Variants in MNT observed in about 807,000 individuals in gnomAD.
MNT encodes max-binding protein MNT.
MNT carries 13 observed loss-of-function variants against 40.7 expected under a neutral mutation model. The ratio of observed to expected loss-of-function variants is 0.32; its 90% CI spans 0.21 to 0.51. The LOEUF (loss-of-function observed/expected upper bound fraction) is 0.51. Among genes scored for constraint, MNT ranks in the 20% least tolerant of loss-of-function variants. The pLI, the probability that MNT is intolerant of heterozygous loss-of-function variation, is 0.98. For synonymous variants in MNT, 426 were observed against 354.8 expected, an observed-to-expected ratio of 1.20 and a Z score of -2.26; for missense variants, 757 against 792.0, an observed-to-expected ratio of 0.96 and a Z score of 0.53.
intron 4 of MNT, chr17:2,393,835 A>C (rs1478997745): frequency 3.8e-6 from 1 of 262,368 alleles, no homozygotes. Flanking sequence ...GCGGGAGGGG[A>C]GCCGCGCCCT....
intron 1 of MNT, among the ~76,000 whole-genome samples, chr17:2,397,147 C>G (rs565700913): frequency 2.6e-5 from 4 of 152,334 alleles, no homozygotes; most frequent in African/African-American, 9.6e-5. Flanking sequence ...TCTTCCAGAT[C>G]TCCCTAGCCC....
chr17:2,401,033 CCGA>C lies in MNT; in HGVS notation c.-324_-322del. ...CGCCCCGCGGCCCCCGGGAGTCCCG[CCGA>C]CAAGAAAGGGCTTTGCAACAAGATG... is the stretch of plus-strand genomic sequence containing the variant. On this transcript the variant is annotated 5_prime_UTR_variant, in exon 1 of 6. Transcript: ENST00000174618. 4.0e-6 allele frequency: 1 copy of C among 248,948 alleles called. No individual in the cohort carries two copies. Among genetic ancestry groups the C allele is most frequent in the Non-Finnish European group, 7.7e-6 (1 of 129,510 alleles). The allele number at this position is 248,948 out of a possible 1,614,324, so 15.4% of individuals were successfully genotyped here. A position where few individuals can be genotyped will look rare whatever the true frequency, so the allele number is the denominator to read the frequency against.
intron 1 of MNT, among the ~76,000 whole-genome samples, chr17:2,398,873 G>C (rs1031780486): frequency 1.3e-5 from 2 of 152,058 alleles, no homozygotes; most frequent in Non-Finnish European, 2.9e-5. Flanking sequence ...CGATGTCCCC[G>C]CCCATCACTT....
At chr17:2,399,788 A>C (rs994158065) in intron 1 of MNT, among the ~76,000 whole-genome samples, 1 of 152,212 alleles carries the variant, frequency 6.6e-6, no homozygotes, top group Non-Finnish European at 1.5e-5. Flanking sequence ...CGGGCTCGGA[A>C]CGCAGGCACA....
At chr17:2,394,415 C>T in intron 2 of MNT, 69 bp from the exon 3 acceptor site, 6 of 1,605,908 alleles carry the variant, frequency 3.7e-6, no homozygotes, top group Non-Finnish European at 5.1e-6. Context: ...ACCAGCGCCG[C>T]CACCCGCAAA....
Position 2,387,897 on chromosome 17 carries a change from G to T in MNT, c.960C>A (p.Gly320=). 6.2e-7 allele frequency: 1 copy of T among 1,604,500 alleles called. No individual in the cohort carries two copies. The stretch of plus-strand genomic sequence containing the variant: ...TGGAGGCCTGGTCATCCTCGGGCTG[G>T]CCCGTCTGCCGCAGCACGCGGTCAA... ...LEIDRVLRQT[G]QPEDDQASTS... Residue 320 remains glycine, a synonymous_variant, in exon 5 of 6, where the codon GGC becomes GGA. Transcript: ENST00000174618.
At chr17:2,391,147 C>G (rs2066510242) in intron 4 of MNT, 1 of 152,350 alleles carries the variant, frequency 6.6e-6, no homozygotes, top group Non-Finnish European at 1.5e-5. Flanking sequence ...TGCCACCAGG[C>G]AGGACTAATT....
chr17:2,395,544 A>T lies in MNT; in HGVS notation c.74-90T>A, dbSNP rs1368103511. 8 of 1,567,786 alleles carry T rather than the reference A, an allele frequency of 5.1e-6. No individual in the cohort carries two copies. The African/African-American group carries it at 8.1e-5, about 16-fold the overall frequency. ...GTCCTCTGACCCTAGCCCAGTCAGT[A>T]CTCAGTGACACCCCTGCTCAGCGAG... On this transcript the variant is annotated intron_variant, in intron 1 of 5. Transcript: ENST00000174618.
At position 2,387,035 on chromosome 17, in the gene MNT, C is replaced by A; in HGVS notation, c.1615G>T (p.Ala539Ser). 1 of 1,551,622 alleles carries A rather than the reference C, an allele frequency of 6.4e-7. No homozygotes were observed. The highest frequency in any genetic ancestry group is 8.7e-7 in the Non-Finnish European group (1 of 1,147,202). Residue 539 changes from alanine to serine, a missense_variant, in exon 6 of 6, where the codon GCT (alanine) becomes TCT (serine). Ala to Ser is a moderately conservative substitution (Grantham distance 99). Around this residue, in one of 4 missense-constraint regions of MNT, gnomAD observed 345 missense variants for 380.1 expected, o/e 0.91. Transcript: ENST00000174618. Reference sequence around the variant, plus strand: ...ACGGCCGGCTTTGCCATGACAGTAGCCGGGGGCCCCAGGCCGGCCGTGCCG... The same window carrying A: ...ACGGCCGGCTTTGCCATGACAGTAGACGGGGGCCCCAGGCCGGCCGTGCCG... The part of the protein sequence containing the change: ...VNGTAGLGPP[A>S]TVMAKPAVGA...
intron 1 of MNT, among the ~76,000 whole-genome samples, chr17:2,400,036 AT>A (rs2066603770): frequency 2.0e-5 from 3 of 152,110 alleles, no homozygotes; most frequent in Admixed American, 2.0e-4. Context: ...ATGTCATTTC[AT>A]TCTGCAAAGG....
chr17:2,397,721 A>C (rs1460404970), intron 1 of MNT, among the ~76,000 whole-genome samples: 1 of 152,160 alleles, frequency 6.6e-6, no homozygotes, highest in African/African-American at 2.4e-5. Flanking sequence ...GGCCAGATCC[A>C]GCCCACCGGA....
At position 2,395,255 on chromosome 17, in the gene MNT, G is replaced by T; in HGVS notation, c.273C>A (p.Ile91=). The T allele has an allele frequency of 6.6e-7, 1 of 1,511,080 alleles. No homozygotes were observed. The allele number at this position is 1,511,080 out of a possible 1,614,324, so 93.6% of individuals were successfully genotyped here. ...GCTGAGGGGAGTTGGTCACCACAGG[G>T]ATAGGGATGACAGTCAGTGGGGCAG... The part of the protein sequence containing the change: ...ATPAPLTVIP[I]PVVTNSPQPL... The change falls in exon 2 of 6, where the codon ATC becomes ATA. Residue 91 remains isoleucine (I), a synonymous_variant. Transcript: ENST00000174618.
At chr17:2,395,477 G>T (rs1167120413) in intron 1 of MNT, 23 bp from the exon 2 acceptor site, 1 of 1,608,568 alleles carries the variant, frequency 6.2e-7, no homozygotes, top group South Asian at 1.1e-5. Flanking sequence ...AACACAAGGG[G>T]GGGAGGGTCT....
Position 2,400,741 on chromosome 17 carries a change from G to C in MNT, c.-29C>G, listed in dbSNP as rs756094953. ...GCCGAGAGCTGCCGGGGGCGCGCCG[G>C]GGCCGAGGCTGCGGCCCGCGAGCCG... On this transcript the variant is annotated 5_prime_UTR_variant, in exon 1 of 6. Transcript: ENST00000174618. 7.3e-6 allele frequency: 11 copies of C among 1,513,878 alleles called. No homozygotes were observed. The highest frequency in any genetic ancestry group is 8.8e-6 in the Non-Finnish European group (10 of 1,137,448). 93.8% of individuals were successfully genotyped at this position (1,513,878 alleles called of 1,614,324 possible).
At chr17:2,399,910 G>C (rs2066603003) in intron 1 of MNT, among the ~76,000 whole-genome samples, 2 of 152,220 alleles carry the variant, frequency 1.3e-5, no homozygotes, top group Non-Finnish European at 2.9e-5. Flanking sequence ...AGCGACCCGC[G>C]GGCCATTTCG....
rs183362247 is a variant in MNT, at chr17:2,388,293, G to A, written c.808-244C>T. On this transcript the variant is annotated intron_variant, in intron 4 of 5. Coordinates refer to ENST00000174618, the MANE Select transcript of MNT (RefSeq NM_020310.3). Reference sequence around the variant, plus strand: ...ACCACTGAAGCAAGCTCAACCAGGTGTGCAGGTCCTTCCCTGTCCTCCACA... The same window carrying A: ...ACCACTGAAGCAAGCTCAACCAGGTATGCAGGTCCTTCCCTGTCCTCCACA... The A allele has an allele frequency of 6.8e-4, 342 of 506,614 alleles. 5 individuals are homozygous for A. Among genetic ancestry groups the A allele is most frequent in the African/African-American group, 6.1e-3 (306 of 50,530 alleles). 31.4% of individuals were successfully genotyped at this position (506,614 alleles called of 1,614,324 possible).
Position 2,384,702 on chromosome 17 carries a change from T to G in MNT, c.*2199A>C, listed in dbSNP as rs1184484272. 1 of 152,390 alleles carries G rather than the reference T, an allele frequency of 6.6e-6. No individual in the cohort carries two copies. Among genetic ancestry groups the G allele is most frequent in the African/African-American group, 2.4e-5 (1 of 41,302 alleles). 9.4% of individuals were successfully genotyped at this position (152,390 alleles called of 1,614,324 possible). On this transcript the variant is annotated 3_prime_UTR_variant, in exon 6 of 6. Coordinates refer to ENST00000174618, the MANE Select transcript of MNT (RefSeq NM_020310.3). ...AGGACAGATGTGGTCCCGACAGCAC[T>G]CTGGGGGAGACGCCCAAGGAAGGGC... is the stretch of plus-strand genomic sequence containing the variant.
Position 2,400,780 on chromosome 17 carries a change from C to G in MNT, c.-68G>C. The G allele has an allele frequency of 7.1e-7, 1 of 1,398,746 alleles. No homozygotes were observed. The allele number at this position is 1,398,746 out of a possible 1,614,324, so 86.6% of individuals were successfully genotyped here. On this transcript the variant is annotated 5_prime_UTR_variant, in exon 1 of 6. Coordinates refer to ENST00000174618, the MANE Select transcript of MNT (RefSeq NM_020310.3). ...GCCCGCGAGCCGGGCACAGGTCAGG[C>G]TGGCGGGCAGGCAGGAGGGAGGGAT...
rs2066470498 is a variant in MNT at position 2,387,189 on chromosome 17, G to A, written c.1461C>T (p.Pro487=). Residue 487 remains proline, a synonymous_variant, in exon 6 of 6, where the codon CCC becomes CCT. Transcript: ENST00000174618. ...PAVQLAPATP[P]IGHITVHPAT... ...CAGGGTGCACAGTGATGTGCCCAAT[G>A]GGGGGTGTGGCAGGCGCCAGTTGCA... 1.9e-6 allele frequency: 3 copies of A among 1,607,534 alleles called. No homozygotes were observed. Among genetic ancestry groups the A allele is most frequent in the Admixed American group, 1.7e-5 (1 of 58,514 alleles).
Sources: allele counts gnomAD v4.1 joint callset (sites outside exome capture counted in the v4.1 genomes callset), GRCh38; gene constraint gnomAD v4.1.1; regional missense constraint gnomAD v4.1.1; transcripts MANE v1.5; gene names NCBI Gene and HGNC (gene_info 2026-07-23, HGNC 2026-07-21).